The following UTP20 variants were observed in gnomAD, a reference collection of about 807,000 sequenced individuals.
UTP20 encodes small subunit processome component 20 homolog.
UTP20 carries 164 observed loss-of-function variants against 329.5 expected under a neutral mutation model. The ratio of observed to expected loss-of-function variants is 0.50; its 90% CI spans 0.44 to 0.57. UTP20 has a LOEUF of 0.57. Among genes scored for constraint, UTP20 ranks in the 20% least tolerant of loss-of-function variants. The pLI is 0.00. For missense variants in UTP20, 3,055 were observed against 3,284.2 expected (o/e 0.93, Z 1.71); for synonymous variants, 1,151 against 1,159.3 (o/e 0.99, Z 0.14).
chr12:101,281,350 G>A (rs189884502), intron 2 of UTP20, among the ~76,000 whole-genome samples, 154 bp downstream of exon 2: 212 of 152,242 alleles, frequency 1.4e-3, no homozygotes, highest in African/African-American at 4.9e-3. Flanking sequence ...ATGACAAATT[G>A]GATTTAAAGT....
chr12:101,345,875 T>C (rs1869306142), intron 37 of UTP20, among the ~76,000 whole-genome samples, 181 bp downstream of exon 37: 1 of 152,238 alleles, frequency 6.6e-6, no homozygotes, highest in South Asian at 2.1e-4. Flanking sequence ...TCTAATTTCT[T>C]TGGTGGTATC....
chr12:101,358,011 G>C (rs1389928129), intron 43 of UTP20, among the ~76,000 whole-genome samples: 3 of 152,152 alleles, frequency 2.0e-5, no homozygotes, highest in Non-Finnish European at 4.4e-5. Flanking sequence ...TTGTTGGGGT[G>C]GGGGTGAAGA....
intron 32 of UTP20, 95 bp downstream of exon 32, chr12:101,340,705 ATGCATT>A: frequency 1.3e-6 from 1 of 779,476 alleles, no homozygotes; most frequent in East Asian, 2.5e-5. Flanking sequence ...AGATTTTGTG[ATGCATT>A]TGTCGCAAGG....
chr12:101,335,604 A>T (rs1025887387), intron 29 of UTP20, among the ~76,000 whole-genome samples: 1 of 152,214 alleles, frequency 6.6e-6, no homozygotes, highest in Non-Finnish European at 1.5e-5. Flanking sequence ...CTAAATGTAC[A>T]TTCAGCTCTC....
At chr12:101,340,937 C>CTTTTTTTTTTTTTTTTT (rs71091488) in intron 32 of UTP20, among the ~76,000 whole-genome samples, 5 of 83,022 alleles carry the variant, frequency 6.0e-5, no homozygotes, top group South Asian at 4.5e-4. Context: ...ATTGTGTAAT[C>CTTTTTTTTTTTTTTTTT]TTTTTTTTTT....
chr12:101,360,883 A>T (rs950865416), intron 43 of UTP20, among the ~76,000 whole-genome samples: 1 of 152,172 alleles, frequency 6.6e-6, no homozygotes, highest in Admixed American at 6.6e-5. Context: ...TTTAAGACCC[A>T]ATCTACGTTT....
intron 56 of UTP20, among the ~76,000 whole-genome samples, chr12:101,378,127 T>C (rs1434915133): frequency 6.6e-6 from 1 of 152,200 alleles, no homozygotes; most frequent in East Asian, 1.9e-4. Flanking sequence ...AATTAAGAGT[T>C]TGAAGGTCAG....
At chr12:101,317,183 T>C (rs1040168085) in intron 21 of UTP20, among the ~76,000 whole-genome samples, 7 of 152,212 alleles carry the variant, frequency 4.6e-5, no homozygotes, top group African/African-American at 1.4e-4. Context: ...CAGTGGTGGT[T>C]CCAGAGACAG....
chr12:101,302,209 G>A (rs1872539057), intron 14 of UTP20, among the ~76,000 whole-genome samples: 1 of 152,140 alleles, frequency 6.6e-6, no homozygotes, highest in Non-Finnish European at 1.5e-5. Flanking sequence ...GGGATTACAG[G>A]TATGAGCCAC....
chr12:101,309,748 C>G lies in UTP20; in HGVS notation c.2155-15C>G, dbSNP rs373633767. The G allele has an allele frequency of 3.4e-5, 55 of 1,610,860 alleles. No individual in the cohort carries two copies. The highest frequency in any genetic ancestry group is 3.4e-4 in the Middle Eastern group (2 of 5,826). On this transcript the variant is annotated splice_polypyrimidine_tract_variant and intron_variant, in intron 18 of 61. Transcript: ENST00000261637. ...TTTCATTACCCAATACTAAACTAGT[C>G]TTTTGTAATTGCAGGTGCCGCTTCG...
rs534048164 is a variant in UTP20, at chr12:101,383,608, G to A, written c.7995G>A (p.Pro2665=). 4.6e-5 allele frequency: 74 copies of A among 1,613,650 alleles called. No individual in the cohort carries two copies. The highest frequency in any genetic ancestry group is 2.5e-4 in the African/African-American group (19 of 74,934). ...ATCTTGGGATAGACAAGGTAAAGCC[G>A]TATCTCCCAATGATCATAGCTCCTT... The part of the protein sequence containing the change: ...AMDLGIDKVK[P]YLPMIIAPLF... Residue 2665 remains proline, a synonymous_variant, in exon 60 of 62, where the codon CCG becomes CCA. Transcript: ENST00000261637.
intron 43 of UTP20, among the ~76,000 whole-genome samples, chr12:101,361,671 AT>A (rs1869926170): frequency 8.8e-5 from 6 of 67,960 alleles, no homozygotes; most frequent in Middle Eastern, 9.4e-3. Flanking sequence ...AAATAAATAA[AT>A]AAATAAAGTT....
chr12:101,320,967 A>T (rs1455801631), intron 24 of UTP20, 30 bp downstream of exon 24: 5 of 1,557,330 alleles, frequency 3.2e-6, no homozygotes, highest in Non-Finnish European at 4.3e-6. Context: ...AAGAACTGTT[A>T]TTTCTTCAGC....
At position 101,311,954 on chromosome 12, in the gene UTP20, A is replaced by G. The variant is rs1872806487; in HGVS notation, c.2312-82A>G. ...GACATTCTTTCCTTACATTATAGAG[A>G]AAGAAATGCCCTCTCTTGAGAAAAC... On this transcript the variant is annotated intron_variant, in intron 20 of 61. Transcript: ENST00000261637. 1.2e-5 allele frequency: 19 copies of G among 1,588,564 alleles called. No homozygotes were observed. In the South Asian group the frequency reaches 1.7e-4, roughly 15 times the overall value.
intron 48 of UTP20, 144 bp from the exon 49 acceptor site, chr12:101,369,577 T>C (rs997756177): frequency 1.8e-6 from 1 of 543,136 alleles, no homozygotes; most frequent in African/African-American, 1.8e-5. Flanking sequence ...TCTTACATTT[T>C]GGGCACAGTT....
intron 29 of UTP20, among the ~76,000 whole-genome samples, chr12:101,335,175 G>A (rs1258670114): frequency 6.6e-6 from 1 of 151,970 alleles, no homozygotes; most frequent in African/African-American, 2.4e-5. Flanking sequence ...TACATCCTTT[G>A]GACTGTTTGA....
chr12:101,325,658 C>T (rs968299188), intron 25 of UTP20, among the ~76,000 whole-genome samples: 1 of 152,156 alleles, frequency 6.6e-6, no homozygotes, highest in African/African-American at 2.4e-5. Context: ...GAATGGCACC[C>T]GTGTGAGTAT....
intron 54 of UTP20, 103 bp downstream of exon 54, chr12:101,373,870 C>G: frequency 7.9e-7 from 1 of 1,267,652 alleles, no homozygotes; most frequent in African/African-American, 1.5e-5. Flanking sequence ...GTTTTTTTCC[C>G]AAATAGTGTT....
rs549641642 is a variant in UTP20 at position 101,310,577 on chromosome 12, C to CAAAAAAAAAAAAAAAAAAA, written c.2231+741_2231+759dup. Among the ~76,000 whole-genome samples the CAAAAAAAAAAAAAAAAAAA allele has an allele frequency of 8.1e-4, 36 of 44,360 alleles. 3 individuals carry two copies. The highest frequency in any genetic ancestry group is 1.8e-3 in the African/African-American group (16 of 9,140). The allele number at this position is 44,360 out of a possible 152,430, so 29.1% of individuals were successfully genotyped here. On this transcript the variant is annotated intron_variant, in intron 19 of 61. Coordinates refer to ENST00000261637, the MANE Select transcript of UTP20 (RefSeq NM_014503.3). ...GCAACAAGAGTGAAACTCTGTCTCC[C>CAAAAAAAAAAAAAAAAAAA]AAAAAAAAAAAAAAAAAAAAATACA...
Sources: allele counts gnomAD v4.1 joint callset (sites outside exome capture counted in the v4.1 genomes callset), GRCh38; gene constraint gnomAD v4.1.1; transcripts MANE v1.5; gene names NCBI Gene and HGNC (gene_info 2026-07-23, HGNC 2026-07-21).